Variants in SNX29 observed in about 807,000 individuals in gnomAD.
SNX29 encodes the protein sorting nexin 29.
In SNX29, 78 loss-of-function variants were observed where a neutral mutation model predicts 102.1. The ratio of observed to expected loss-of-function variants is 0.76; its 90% CI spans 0.64 to 0.92. The LOEUF is 0.92. Ranked by LOEUF, SNX29 falls within the 40% of genes least tolerant of loss-of-function variation. The probability of loss-of-function intolerance (pLI) is 0.00; values close to 1 mark genes in which losing one functional copy is unlikely to be tolerated. For synonymous variants in SNX29, 580 were observed against 414.5 expected, an observed-to-expected ratio of 1.40 and a Z score of -4.85; for missense variants, 1,280 against 1,061.7, an observed-to-expected ratio of 1.21 and a Z score of -2.86.
At chr16:12,399,857 G>C (rs183465044) in intron 17 of SNX29, among the ~76,000 whole-genome samples, 150 of 152,198 alleles carry the variant, frequency 9.9e-4, no homozygotes, top group Non-Finnish European at 1.5e-3. Context: ...GCATGAAGAG[G>C]CTCCTGGAAC....
chr16:12,533,500 C>G (rs140787127), intron 20 of SNX29, among the ~76,000 whole-genome samples: 2 of 152,336 alleles, frequency 1.3e-5, no homozygotes, highest in East Asian at 1.9e-4. Flanking sequence ...ACAGACTTGT[C>G]ACATCAGAGA....
intron 20 of SNX29, among the ~76,000 whole-genome samples, chr16:12,542,291 C>T (rs994527103): frequency 1.3e-5 from 2 of 152,102 alleles, no homozygotes; most frequent in Non-Finnish European, 2.9e-5. Context: ...GAGGAACTTG[C>T]CCAAGATCAC....
chr16:12,572,366 C>G lies in SNX29; in HGVS notation c.*3737C>G. On this transcript the variant is annotated 3_prime_UTR_variant, in exon 21 of 21. Coordinates refer to ENST00000566228, the MANE Select transcript of SNX29 (RefSeq NM_032167.5). The stretch of plus-strand genomic sequence containing the variant: ...CTGGTTGATGGACAGCAGGCTCTGC[C>G]TTCTGGAGGCGGCTTATATCCCAAC... The G allele has an allele frequency of 2.8e-6, 3 of 1,063,164 alleles. No homozygotes were observed. Among genetic ancestry groups the G allele is most frequent in the Non-Finnish European group, 3.4e-6 (3 of 877,896 alleles). 65.9% of individuals were successfully genotyped at this position (1,063,164 alleles called of 1,614,324 possible). A position where few individuals can be genotyped will look rare whatever the true frequency, so the allele number is the denominator to read the frequency against.
intron 18 of SNX29, among the ~76,000 whole-genome samples, chr16:12,439,584 G>A (rs560439065): frequency 2.6e-5 from 4 of 152,254 alleles, no homozygotes; most frequent in Middle Eastern, 3.4e-3. Flanking sequence ...ATCAGATCTC[G>A]TGAGACTCAT....
chr16:12,268,990 CT>C lies in SNX29; in HGVS notation c.1679-8942del, dbSNP rs2079014880. On this transcript the variant is annotated intron_variant, in intron 14 of 20. Coordinates refer to ENST00000566228, the MANE Select transcript of SNX29 (RefSeq NM_032167.5). The stretch of plus-strand genomic sequence containing the variant: ...TGAGATGAAAAGTTATGAATGTTCT[CT>C]AAGTTTAGATGACCTGCTGATGGTA... Among the ~76,000 whole-genome samples the C allele has an allele frequency of 3.9e-5, 6 of 152,300 alleles. No homozygotes were observed. The South Asian group carries it at 1.2e-3, about 32-fold the overall frequency.
At chr16:12,109,309 A>G (rs1333695057) in intron 11 of SNX29, among the ~76,000 whole-genome samples, 2 of 151,764 alleles carry the variant, frequency 1.3e-5, no homozygotes, top group African/African-American at 4.8e-5. Context: ...GTGTGAGCTC[A>G]GGTCTCTCTT....
At position 12,573,030 on chromosome 16, in the gene SNX29, G is replaced by C. The variant is rs542205690; in HGVS notation, c.*4401G>C. On this transcript the variant is annotated 3_prime_UTR_variant, in exon 21 of 21. Coordinates refer to ENST00000566228, the MANE Select transcript of SNX29 (RefSeq NM_032167.5). The stretch of plus-strand genomic sequence containing the variant: ...AAATATTTGCTGTTTTTAGATTGGC[G>C]TCCGTGCTAATTCTGCAGTTGTAGC... 1 of 259,832 alleles carries C rather than the reference G, an allele frequency of 3.8e-6. No individual in the cohort carries two copies. Among genetic ancestry groups the C allele is most frequent in the Non-Finnish European group, 7.0e-6 (1 of 143,614 alleles). 16.1% of individuals were successfully genotyped at this position (259,832 alleles called of 1,614,324 possible). A position where few individuals can be genotyped will look rare whatever the true frequency, so the allele number is the denominator to read the frequency against.
At chr16:12,551,384 C>T (rs937515731) in intron 20 of SNX29, among the ~76,000 whole-genome samples, 10 of 152,198 alleles carry the variant, frequency 6.6e-5, no homozygotes, top group Non-Finnish European at 1.3e-4. Flanking sequence ...ACTTCCCCAA[C>T]AGTAGGATTG....
chr16:12,212,065 G>A (rs182209640), intron 14 of SNX29, among the ~76,000 whole-genome samples: 10 of 152,218 alleles, frequency 6.6e-5, no homozygotes, highest in Admixed American at 2.6e-4. Flanking sequence ...TCTCTCAGAC[G>A]TGTTCTAGGG....
In SNX29 at chr16:12,050,159, GAGT is replaced by G. The variant is rs532523844; in HGVS notation, c.748+1542_748+1544del. On this transcript the variant is annotated intron_variant, in intron 7 of 20. Transcript: ENST00000566228. Reference sequence around the variant, plus strand: ...GACACTGAAATTTCTACACCCACAGGAGTAGAAGTTCCACCCATTTTTGGAACT... The same window carrying G: ...GACACTGAAATTTCTACACCCACAGGAGAAGTTCCACCCATTTTTGGAACT... Among the ~76,000 whole-genome samples, 646 of 152,300 alleles carry G rather than the reference GAGT, an allele frequency of 4.2e-3. 2 individuals are homozygous for G. Among genetic ancestry groups the G allele is most frequent in the South Asian group, 0.015 (71 of 4,826 alleles).
chr16:11,987,553 C>CGTGG (rs1369299836), intron 1 of SNX29, among the ~76,000 whole-genome samples: 4 of 152,036 alleles, frequency 2.6e-5, no homozygotes, highest in African/African-American at 9.7e-5. Context: ...CGTGCCACCA[C>CGTGG]GCCCAGCTAA....
chr16:12,536,519 A>C (rs574633050), intron 20 of SNX29, among the ~76,000 whole-genome samples: 1 of 152,058 alleles, frequency 6.6e-6, no homozygotes, highest in Non-Finnish European at 1.5e-5. Context: ...TCATGCCTCT[A>C]TTTTCCCCTC....
intron 19 of SNX29, among the ~76,000 whole-genome samples, chr16:12,521,160 A>C (rs2151947934): frequency 6.6e-6 from 1 of 152,344 alleles, no homozygotes; most frequent in Admixed American, 6.5e-5. Context: ...ACCCTGGGCG[A>C]CAGAGTGAGA....
At chr16:12,111,955 A>G (rs2053518083) in intron 11 of SNX29, among the ~76,000 whole-genome samples, 2 of 152,154 alleles carry the variant, frequency 1.3e-5, no homozygotes, top group Admixed American at 6.5e-5. Context: ...CACAGTCTTC[A>G]TTCCGGAGCA....
At chr16:12,440,757 C>A (rs1352148393) in intron 18 of SNX29, among the ~76,000 whole-genome samples, 1 of 152,174 alleles carries the variant, frequency 6.6e-6, no homozygotes, top group Non-Finnish European at 1.5e-5. Flanking sequence ...CATGTCCCTG[C>A]AAAGGACATG....
chr16:12,016,991 G>C (rs1391894344), intron 3 of SNX29, among the ~76,000 whole-genome samples: 2 of 151,806 alleles, frequency 1.3e-5, no homozygotes, highest in African/African-American at 4.9e-5. Context: ...AAAATTAACT[G>C]ACCGTGGTAG....
chr16:12,561,777 C>G (rs2078738761), intron 20 of SNX29, among the ~76,000 whole-genome samples: 1 of 152,172 alleles, frequency 6.6e-6, no homozygotes, highest in African/African-American at 2.4e-5. Context: ...AAGCACATGT[C>G]AGGACCACGC....
intron 8 of SNX29, among the ~76,000 whole-genome samples, chr16:12,058,947 C>T (rs1251513048): frequency 1.3e-5 from 2 of 151,752 alleles, no homozygotes; most frequent in East Asian, 3.9e-4. Context: ...TGTGCAATAC[C>T]ATACCTGGCT....
chr16:12,288,041 C>T (rs902725540), intron 15 of SNX29, among the ~76,000 whole-genome samples: 5 of 152,172 alleles, frequency 3.3e-5, no homozygotes, highest in African/African-American at 1.2e-4. Flanking sequence ...ATTTTTTTAA[C>T]TAGCTGGGTA....
Sources: allele counts gnomAD v4.1 joint callset (sites outside exome capture counted in the v4.1 genomes callset), GRCh38; gene constraint gnomAD v4.1.1; transcripts MANE v1.5; gene names NCBI Gene and HGNC (gene_info 2026-07-23, HGNC 2026-07-21).